Variants in DDX60L observed in about 807,000 individuals in gnomAD.
The protein encoded by DDX60L is probable ATP-dependent RNA helicase DDX60-like.
A neutral mutation model predicts 211.6 loss-of-function variants in DDX60L; 191 were observed. The ratio of observed to expected loss-of-function variants is 0.90; its 90% confidence interval spans 0.80 to 1.02. The LOEUF (loss-of-function observed/expected upper bound fraction) is 1.02. Among genes scored for constraint, DDX60L ranks in the 50% least tolerant of loss-of-function variants. The pLI is 0.00. For missense variants in DDX60L, 2,007 were observed against 1,984.1 expected (o/e 1.01, Z -0.22); for synonymous variants, 706 against 694.1 (o/e 1.02, Z -0.27).
chr4:168,364,430 A>G (rs1187347139), intron 36 of DDX60L, among the ~76,000 whole-genome samples: 1 of 152,200 alleles, frequency 6.6e-6, no homozygotes, highest in Non-Finnish European at 1.5e-5. Context: ...GGAGAGACAA[A>G]CTGCAGTATA....
intron 22 of DDX60L, among the ~76,000 whole-genome samples, chr4:168,409,737 G>A (rs758827493): frequency 2.6e-5 from 4 of 152,138 alleles, no homozygotes; most frequent in South Asian, 2.1e-4. Flanking sequence ...TTCCTTACTC[G>A]TGCATTCGAT....
At chr4:168,381,603 A>G (rs1742978804) in intron 30 of DDX60L, among the ~76,000 whole-genome samples, 1 of 151,062 alleles carries the variant, frequency 6.6e-6, no homozygotes, top group Non-Finnish European at 1.5e-5. Context: ...AAAAACTATA[A>G]CTAGAAACTT....
intron 30 of DDX60L, among the ~76,000 whole-genome samples, chr4:168,384,400 T>C (rs1357589961): frequency 1.3e-5 from 2 of 152,040 alleles, no homozygotes; most frequent in Admixed American, 1.3e-4. Context: ...GATGGGAAGA[T>C]CACTTGAGCC....
chr4:168,394,637 T>G lies in DDX60L; in HGVS notation c.3658-20A>C. 1 of 1,571,914 alleles carries G rather than the reference T, an allele frequency of 6.4e-7. No homozygotes were observed. The highest frequency in any genetic ancestry group is 2.3e-5 in the East Asian group (1 of 44,320). ...CAAAGTCTAAAACAAGAAAGAAGTG[T>G]AAAACAATTGATGATGTATTTTATT... On this transcript the variant is annotated intron_variant, in intron 27 of 37. Coordinates refer to ENST00000682922, the MANE Select transcript of DDX60L (RefSeq NM_001012967.3).
Position 168,358,264 on chromosome 4 carries a change from A to T in DDX60L, c.5004T>A (p.Ser1668Arg). ...FNIQAISDSL[S>R]ELCENKRDNV... is the part of the protein sequence containing the mutation. ...TGTCACGCTTATTTTCACATAGTTC[A>T]CTCAAGGAGTCACTGTATAAATGAT... is the stretch of plus-strand genomic sequence containing the variant. Residue 1668 changes from serine (S) to arginine (R), a missense_variant, in exon 38 of 38, where the codon AGT becomes AGA. Coordinates refer to ENST00000682922, the MANE Select transcript of DDX60L (RefSeq NM_001012967.3). The T allele has an allele frequency of 6.3e-7, 1 of 1,580,970 alleles. No individual in the cohort carries two copies. The highest frequency in any genetic ancestry group is 1.4e-5 in the African/African-American group (1 of 73,278).
chr4:168,466,788 C>T (rs1758050336), intron 4 of DDX60L, among the ~76,000 whole-genome samples: 1 of 152,064 alleles, frequency 6.6e-6, no homozygotes, highest in Admixed American at 6.5e-5. Flanking sequence ...ATATATGGTC[C>T]ATGTATCCCC....
chr4:168,405,720 A>G (rs1351711559), intron 24 of DDX60L, among the ~76,000 whole-genome samples: 1 of 152,224 alleles, frequency 6.6e-6, no homozygotes, highest in East Asian at 1.9e-4. Flanking sequence ...TGTTACCTGA[A>G]GAAACCAAAA....
chr4:168,424,237 T>C (rs17540449), intron 14 of DDX60L, among the ~76,000 whole-genome samples: 20,432 of 152,192 alleles, frequency 0.13, 1,878 homozygotes, highest in Non-Finnish European at 0.19. Flanking sequence ...GTACTTGTAT[T>C]TATGAAACCA....
chr4:168,465,211 T>A (rs1314228923), intron 4 of DDX60L, among the ~76,000 whole-genome samples: 1 of 152,112 alleles, frequency 6.6e-6, no homozygotes, highest in African/African-American at 2.4e-5. Context: ...GCTATCTTAT[T>A]ATGGTTTGGA....
intron 27 of DDX60L, chr4:168,395,676 T>A (rs1215111128): frequency 1.6e-5 from 4 of 257,334 alleles, no homozygotes; most frequent in African/African-American, 2.2e-5. Flanking sequence ...AATTAAAATA[T>A]ATCATATTGA....
chr4:168,373,063 A>T (rs1038017249), intron 35 of DDX60L, among the ~76,000 whole-genome samples: 4 of 152,182 alleles, frequency 2.6e-5, no homozygotes, highest in African/African-American at 7.2e-5. Context: ...ACGATTTTTT[A>T]AAATTCCTTT....
rs563022299 is a variant in DDX60L at position 168,364,670 on chromosome 4, T to C, written c.4929-3459A>G. 1.1e-4 allele frequency among the ~76,000 whole-genome samples: 16 copies of C among 152,296 alleles called. No homozygotes were observed. In the South Asian group the frequency reaches 3.1e-3, roughly 30 times the overall value. The stretch of plus-strand genomic sequence containing the variant: ...TGCTGGGATTACAGGTGTGGGCCAC[T>C]GTGCCTGGCTGATATTTTTTACAGA... On this transcript the variant is annotated intron_variant, in intron 36 of 37. Transcript: ENST00000682922.
chr4:168,419,050 A>AAT (rs1750036778), intron 19 of DDX60L, among the ~76,000 whole-genome samples: 1 of 152,212 alleles, frequency 6.6e-6, no homozygotes, highest in Non-Finnish European at 1.5e-5. Flanking sequence ...ACAGGGTTGA[A>AAT]AGGCTTGTAC....
intron 5 of DDX60L, among the ~76,000 whole-genome samples, chr4:168,459,926 C>T (rs1195688782): frequency 6.6e-6 from 1 of 151,308 alleles, no homozygotes; most frequent in Non-Finnish European, 1.5e-5. Context: ...AATAACTAAT[C>T]TAAAAGCATG....
In DDX60L at chr4:168,420,281, G is replaced by A. The variant is rs780779473; in HGVS notation, c.2494C>T (p.His832Tyr). The change falls in exon 18 of 38, where the codon CAC becomes TAC. Residue 832 changes from histidine to tyrosine, a missense_variant. By Grantham distance (83) the His-to-Tyr change is moderately conservative. Transcript: ENST00000682922. Reference sequence around the variant, plus strand: ...CATACCTGACAGTTTAGTACATTGTGACAATAATCTCTTGTAAAAGCACCG... The same window carrying A: ...CATACCTGACAGTTTAGTACATTGTAACAATAATCTCTTGTAAAAGCACCG... ...LCGAFTRDYC[H>Y]NVLNCQVLIT... 6.2e-7 allele frequency: 1 copy of A among 1,602,542 alleles called. No individual in the cohort carries two copies. Among genetic ancestry groups the A allele is most frequent in the African/African-American group, 1.3e-5 (1 of 74,156 alleles).
At chr4:168,443,482 A>G (rs1336233557) in intron 9 of DDX60L, among the ~76,000 whole-genome samples, 1 of 151,896 alleles carries the variant, frequency 6.6e-6, no homozygotes, top group Non-Finnish European at 1.5e-5. Context: ...AACTTCTCCA[A>G]TCTAGCAAGG....
chr4:168,475,748 C>T (rs959945848), intron 1 of DDX60L, among the ~76,000 whole-genome samples: 1 of 151,760 alleles, frequency 6.6e-6, no homozygotes, highest in African/African-American at 2.4e-5. Context: ...AGCCCTAAAC[C>T]CCAGTGTGAT....
chr4:168,413,510 T>G (rs1749034380), intron 22 of DDX60L, among the ~76,000 whole-genome samples: 1 of 151,910 alleles, frequency 6.6e-6, no homozygotes, highest in Non-Finnish European at 1.5e-5. Flanking sequence ...ATCAATAGAA[T>G]GATAGCAGGA....
intron 36 of DDX60L, among the ~76,000 whole-genome samples, chr4:168,371,410 A>T (rs17611977): frequency 0.82 from 119,639 of 145,458 alleles, 49,376 homozygotes; most frequent in African/African-American, 0.88. Context: ...ATCTAGTATG[A>T]TTTTTATGAT....
Sources: allele counts gnomAD v4.1 joint callset (sites outside exome capture counted in the v4.1 genomes callset), GRCh38; gene constraint gnomAD v4.1.1; transcripts MANE v1.5; gene names NCBI Gene and HGNC (gene_info 2026-07-23, HGNC 2026-07-21).